Variants in HRAS observed in about 807,000 individuals in gnomAD.
The protein encoded by HRAS is GTPase HRas.
A neutral mutation model predicts 19.8 loss-of-function variants in HRAS; 11 were observed. That is an observed-to-expected ratio of 0.55 (90% CI 0.35 to 0.92). The LOEUF (loss-of-function observed/expected upper bound fraction) is 0.92, where lower values mean the gene tolerates loss of function less well. HRAS is among the 40% of genes least tolerant of loss of function. The pLI, the probability that HRAS is intolerant of heterozygous loss-of-function variation, is 0.01. For synonymous variants in HRAS, 149 were observed against 105.5 expected (o/e 1.41, Z -2.52); for missense variants, 204 against 255.9 (o/e 0.80, Z 1.38).
At chr11:532,563 A>G (rs1259981806) in intron 5 of HRAS, 41 bp from the exon 6 acceptor site, 2 of 1,570,286 alleles carry the variant, frequency 1.3e-6, no homozygotes, top group Admixed American at 3.6e-5. Context: ...GCAGGCCAGG[A>G]GACCGGCAGG....
Position 533,765 on chromosome 11 carries a change from C to G in HRAS, c.290+1G>C, listed in dbSNP as rs1851270546. On this transcript the variant is annotated splice_donor_variant, in intron 3 of 5. Coordinates refer to ENST00000311189, the MANE Select transcript of HRAS (RefSeq NM_005343.4). LOFTEE classifies it high-confidence loss of function. The stretch of plus-strand genomic sequence containing the variant: ...TCCCGGGCCAGCCTCACGGGGTTCA[C>G]CTGTACTGGTGGATGTCCTCAAAAG... The G allele has an allele frequency of 6.2e-7, 1 of 1,613,308 alleles. No individual in the cohort carries two copies. Among genetic ancestry groups the G allele is most frequent in the African/African-American group, 1.3e-5 (1 of 75,030 alleles).
At position 533,900 on chromosome 11, in the gene HRAS, C is replaced by G. The variant is rs1060504681; in HGVS notation, c.156G>C (p.Leu52=). 6.2e-7 allele frequency: 1 copy of G among 1,613,220 alleles called. No homozygotes were observed. The highest frequency in any genetic ancestry group is 1.7e-5 in the Admixed American group (1 of 60,018). Residue 52 remains leucine (L), a synonymous_variant, in exon 3 of 6, where the codon CTG becomes CTC. Coordinates refer to ENST00000311189, the MANE Select transcript of HRAS (RefSeq NM_005343.4). ...GGCCGGCGGTATCCAGGATGTCCAA[C>G]AGGCACGTCTCCCCATCAATGACCA... ...KQVVIDGETC[L]LDILDTAGQE...
At chr11:534,602 C>T (rs1851341084) in intron 1 of HRAS, 2 of 548,800 alleles carry the variant, frequency 3.6e-6, no homozygotes, top group Non-Finnish European at 3.3e-6. Context: ...AAAAGGGACC[C>T]AGCCCTCAAA....
At position 535,409 on chromosome 11, in the gene HRAS, C is replaced by T. The variant is rs1183370084; in HGVS notation, c.-54+7G>A. 5 of 147,118 alleles carry T rather than the reference C, an allele frequency of 3.4e-5. No individual in the cohort carries two copies. The highest frequency in any genetic ancestry group is 4.9e-5 in the African/African-American group (2 of 40,860). The allele number at this position is 147,118 out of a possible 1,614,324, so 9.1% of individuals were successfully genotyped here. A position where few individuals can be genotyped will look rare whatever the true frequency, so the allele number is the denominator to read the frequency against. ...GCGCGGCCCGGCCGATCCCTGCCCG[C>T]ACTCACCGTTCACAGGCGCGACTGC... On this transcript the variant is annotated splice_region_variant and intron_variant, in intron 1 of 5. Coordinates refer to ENST00000311189, the MANE Select transcript of HRAS (RefSeq NM_005343.4).
chr11:534,922 C>T (rs574860818), intron 1 of HRAS, among the ~76,000 whole-genome samples: 1 of 152,372 alleles, frequency 6.6e-6, no homozygotes, highest in South Asian at 2.1e-4. Context: ...CCACAGAAAG[C>T]TGGAGAAGAC....
intron 4 of HRAS, 171 bp downstream of exon 4, chr11:533,282 G>T: frequency 1.3e-6 from 2 of 1,591,678 alleles, no homozygotes; most frequent in East Asian, 4.5e-5. Flanking sequence ...CTTACAGCGC[G>T]AGGGGCCGCT....
intron 1 of HRAS, 70 bp from the exon 2 acceptor site, chr11:534,445 G>A (rs540613361): frequency 2.1e-4 from 161 of 775,144 alleles, no homozygotes; most frequent in Admixed American, 4.3e-4. Flanking sequence ...CTGCTGGCAG[G>A]GCCATCTGAA....
intron 1 of HRAS, chr11:535,162 C>T (rs968154082): frequency 3.3e-5 from 5 of 152,196 alleles, no homozygotes; most frequent in South Asian, 1.9e-4. Context: ...GCGTGGGGAC[C>T]GTGCCCAGCG....
intron 1 of HRAS, among the ~76,000 whole-genome samples, chr11:534,873 G>A (rs1851362715): frequency 6.6e-6 from 1 of 152,220 alleles, no homozygotes; most frequent in South Asian, 2.1e-4. Context: ...CCCGGGCAGC[G>A]CCCCGCACCC....
In HRAS at chr11:533,600, T is replaced by C. The variant is rs1444431226; in HGVS notation, c.303A>G (p.Lys101=). The C allele has an allele frequency of 1.9e-6, 3 of 1,613,804 alleles. No homozygotes were observed. The Admixed American group carries it at 5.0e-5, about 27-fold the overall frequency. Residue 101 remains lysine, a synonymous_variant, in exon 4 of 6, where the codon AAA becomes AAG. Transcript: ENST00000311189. Reference sequence around the variant, plus strand: ...GCACGTCATCCGAGTCCTTCACCCGTTTGATCTGCTCCCTGAGAGGTGGAA... The same window carrying C: ...GCACGTCATCCGAGTCCTTCACCCGCTTGATCTGCTCCCTGAGAGGTGGAA... ...EDIHQYREQI[K]RVKDSDDVPM...
At position 532,423 on chromosome 11, in the gene HRAS, C is replaced by T. The variant is rs1374702437; in HGVS notation, c.*105G>A. 42 of 690,424 alleles carry T rather than the reference C, an allele frequency of 6.1e-5. No homozygotes were observed. The highest frequency in any genetic ancestry group is 5.1e-4 in the South Asian group (28 of 54,544). 42.8% of individuals were successfully genotyped at this position (690,424 alleles called of 1,614,324 possible). A position where few individuals can be genotyped will look rare whatever the true frequency, so the allele number is the denominator to read the frequency against. On this transcript the variant is annotated 3_prime_UTR_variant, in exon 6 of 6. Transcript: ENST00000311189. ...CCCACGGTCCCGGGGTGACTGGGCT[C>T]CAGCAGCCCTTCCTTCCTTCCTTGC... is the stretch of plus-strand genomic sequence containing the variant.
chr11:532,277 G>A lies in HRAS; in HGVS notation c.*251C>T. 1 of 456,784 alleles carries A rather than the reference G, an allele frequency of 2.2e-6. No homozygotes were observed. The highest frequency in any genetic ancestry group is 4.1e-6 in the Non-Finnish European group (1 of 246,874). 28.3% of individuals were successfully genotyped at this position (456,784 alleles called of 1,614,324 possible). ...CCAATAATTTACTGTGATCCCATCTGTGCCCGACAAGGGCCCACAGAGGCC... is the reference window on the plus strand; with the variant it reads ...CCAATAATTTACTGTGATCCCATCTATGCCCGACAAGGGCCCACAGAGGCC... On this transcript the variant is annotated 3_prime_UTR_variant, in exon 6 of 6. Transcript: ENST00000311189.
At chr11:535,033 C>G (rs977787432) in intron 1 of HRAS, among the ~76,000 whole-genome samples, 44 of 152,150 alleles carry the variant, frequency 2.9e-4, no homozygotes, top group African/African-American at 1.0e-3. Context: ...AGGCCCCCGG[C>G]CTGGTCCGCG....
Position 532,470 on chromosome 11 carries a change from C to A in HRAS, c.*58G>T. ...TTGCTTCCGTCCTTCCTTCCTCCTC[C>A]TTCCGTCTGCACCTCCTTCCTGCAT... On this transcript the variant is annotated 3_prime_UTR_variant, in exon 6 of 6. Coordinates refer to ENST00000311189, the MANE Select transcript of HRAS (RefSeq NM_005343.4). 1.1e-6 allele frequency: 1 copy of A among 932,758 alleles called. No homozygotes were observed. The allele number at this position is 932,758 out of a possible 1,614,324, so 57.8% of individuals were successfully genotyped here. A position where few individuals can be genotyped will look rare whatever the true frequency, so the allele number is the denominator to read the frequency against.
rs1564791837 is a variant in HRAS, at chr11:535,461, C to CCAGGG, written c.-100_-99insCCCTG. 40 of 147,204 alleles carry CCAGGG rather than the reference C, an allele frequency of 2.7e-4. No homozygotes were observed. The highest frequency in any genetic ancestry group is 3.2e-3 in the Middle Eastern group (1 of 312). 9.1% of individuals were successfully genotyped at this position (147,204 alleles called of 1,614,324 possible). Reference sequence around the variant, plus strand: ...CCCGGGGCCAGGGCCGGGGCCGAGGCCGGGGCGGGGCGGGGGCGGGGGCGC... The same window carrying CCAGGG: ...CCCGGGGCCAGGGCCGGGGCCGAGGCCAGGGCGGGGCGGGGCGGGGGCGGGGGCGC... On this transcript the variant is annotated 5_prime_UTR_variant, in exon 1 of 6. The change creates a premature stop within an existing upstream ORF in the 5' untranslated region. Transcript: ENST00000311189.
intron 2 of HRAS, 105 bp from the exon 3 acceptor site, chr11:534,049 CT>C (rs1851297181): frequency 8.9e-6 from 12 of 1,340,932 alleles, no homozygotes; most frequent in African/African-American, 4.3e-5. Context: ...GCCCCCTCCT[CT>C]CCTGGGGTGC....
At chr11:533,205 C>T (rs916072009) in intron 4 of HRAS, 2 of 1,344,888 alleles carry the variant, frequency 1.5e-6, no homozygotes, top group Admixed American at 4.2e-5. Context: ...TGTGTCGGCC[C>T]AGGACTGCAG....
intron 4 of HRAS, among the ~76,000 whole-genome samples, chr11:533,005 G>A (rs1851199032): frequency 6.6e-6 from 1 of 152,158 alleles, no homozygotes; most frequent in South Asian, 2.1e-4. Flanking sequence ...TCCAGGTCTG[G>A]CCAGGGTTTG....
rs1375052547 is a variant in HRAS at position 532,465 on chromosome 11, T to TCCTCCTTCCGTCTGCA, written c.*47_*62dup. 3 of 899,720 alleles carry TCCTCCTTCCGTCTGCA rather than the reference T, an allele frequency of 3.3e-6. No individual in the cohort carries two copies. Among genetic ancestry groups the TCCTCCTTCCGTCTGCA allele is most frequent in the African/African-American group, 3.3e-5 (2 of 60,376 alleles). 55.7% of individuals were successfully genotyped at this position (899,720 alleles called of 1,614,324 possible). On this transcript the variant is annotated 3_prime_UTR_variant, in exon 6 of 6. Coordinates refer to ENST00000311189, the MANE Select transcript of HRAS (RefSeq NM_005343.4). The stretch of plus-strand genomic sequence containing the variant: ...CTTCCTTGCTTCCGTCCTTCCTTCC[T>TCCTCCTTCCGTCTGCA]CCTCCTTCCGTCTGCACCTCCTTCC...
Sources: gnomAD v4.1 joint callset for allele counts (sites outside exome capture counted in the v4.1 genomes callset) on GRCh38, gnomAD v4.1.1 for gene constraint, MANE v1.5 for transcripts, NCBI Gene and HGNC (gene_info 2026-07-23, HGNC 2026-07-21) for gene names.